Variants in IL1RAPL1 observed in about 807,000 individuals in gnomAD.
The protein encoded by IL1RAPL1 is interleukin 1 receptor accessory protein like 1.
Under a neutral mutation model 48.4 loss-of-function variants are expected in IL1RAPL1, and 3 were observed. That is an observed-to-expected ratio of 0.06 (90% CI 0.03 to 0.16). IL1RAPL1 has a LOEUF of 0.16. IL1RAPL1 is among the 10% of genes least tolerant of loss of function. The pLI is 1.00. For synonymous variants in IL1RAPL1, 185 were observed against 187.7 expected (o/e 0.99, Z 0.12); for missense variants, 349 against 530.6 (o/e 0.66, Z 3.36).
chrX:29,331,144 G>T (rs1009781126), intron 3 of IL1RAPL1, among the ~76,000 whole-genome samples: 1 of 111,739 alleles, frequency 8.9e-6, no homozygotes, highest in Admixed American at 9.5e-5. Context: ...TCCAGCCTGG[G>T]TGTGACAGAG....
chrX:29,503,714 A>G (rs1183070400), intron 5 of IL1RAPL1, among the ~76,000 whole-genome samples: 3 of 111,088 alleles, frequency 2.7e-5, no homozygotes, highest in Admixed American at 9.6e-5. Flanking sequence ...CAGTGGCACA[A>G]TTACAGCTCA....
chrX:29,829,836 T>C (rs1430007340), intron 6 of IL1RAPL1, among the ~76,000 whole-genome samples: 1 of 112,053 alleles, frequency 8.9e-6, no homozygotes, highest in African/African-American at 3.2e-5. Flanking sequence ...TGCTATAGTT[T>C]CCAAACACTT....
intron 2 of IL1RAPL1, among the ~76,000 whole-genome samples, chrX:29,262,415 G>C (rs991328378): frequency 9.0e-6 from 1 of 111,527 alleles, no homozygotes; most frequent in Non-Finnish European, 1.9e-5. Flanking sequence ...TGGTGACCCA[G>C]CATTTTGGGA....
In IL1RAPL1 at chrX:28,634,812, C is replaced by G. The variant is rs201169121; in HGVS notation, c.-25+46765C>G. ...GACTCAAACTTTCTGAAATCACGTT[C>G]TTTACTTTTTAATTAATATTTGTTC... On this transcript the variant is annotated intron_variant, in intron 1 of 10. Coordinates refer to ENST00000378993, the MANE Select transcript of IL1RAPL1 (RefSeq NM_014271.4). Among the ~76,000 whole-genome samples the G allele has an allele frequency of 2.8e-4, 31 of 110,278 alleles. No individual in the cohort carries two copies. In the East Asian group the frequency reaches 4.5e-3, roughly 16 times the overall value.
Position 28,674,101 on chromosome X carries a change from G to GT in IL1RAPL1, c.-25+86058dup, listed in dbSNP as rs1283997247. On this transcript the variant is annotated intron_variant, in intron 1 of 10. Coordinates refer to ENST00000378993, the MANE Select transcript of IL1RAPL1 (RefSeq NM_014271.4). ...CATGTTGTAATCAAACAATGCGATT[G>GT]TTTTGTTAAATACTTTAAAAATTGT... Among the ~76,000 whole-genome samples, 5 of 112,007 alleles carry GT rather than the reference G, an allele frequency of 4.5e-5. No homozygotes were observed. In the Admixed American group the frequency reaches 4.7e-4, roughly 11 times the overall value.
chrX:29,542,977 A>T (rs1921490111), intron 5 of IL1RAPL1, among the ~76,000 whole-genome samples: 1 of 111,792 alleles, frequency 8.9e-6, no homozygotes. Context: ...GGGTAAATAA[A>T]CAAAGACATA....
chrX:29,808,140 T>G (rs1930298590), intron 6 of IL1RAPL1, among the ~76,000 whole-genome samples: 2 of 111,841 alleles, frequency 1.8e-5, no homozygotes. Flanking sequence ...AGAAAATAAT[T>G]AGACTTTTAC....
intron 5 of IL1RAPL1, among the ~76,000 whole-genome samples, chrX:29,489,566 G>T (rs772185449): frequency 4.5e-5 from 5 of 111,962 alleles, no homozygotes; most frequent in Non-Finnish European, 9.4e-5. Context: ...TTTTAACCCA[G>T]TGTACAAGTA....
chrX:29,718,512 G>A (rs1398158448), intron 6 of IL1RAPL1, among the ~76,000 whole-genome samples: 5 of 107,122 alleles, frequency 4.7e-5, no homozygotes, highest in Non-Finnish European at 9.6e-5. Context: ...TGTAGGTGAC[G>A]GGTTGATGGG....
At chrX:29,024,233 ATCT>A (rs1480027077) in intron 2 of IL1RAPL1, among the ~76,000 whole-genome samples, 4 of 111,678 alleles carry the variant, frequency 3.6e-5, no homozygotes, top group Admixed American at 9.5e-5. Context: ...ACCTAGGAAA[ATCT>A]TCTTATATTT....
At chrX:29,371,306 G>A (rs758870661) in intron 3 of IL1RAPL1, among the ~76,000 whole-genome samples, 7 of 108,997 alleles carry the variant, frequency 6.4e-5, no homozygotes, top group Admixed American at 4.9e-4. Flanking sequence ...TAATTTTTGT[G>A]TCTTTAGTAG....
At chrX:29,816,532 A>C (rs993110378) in intron 6 of IL1RAPL1, among the ~76,000 whole-genome samples, 4 of 105,911 alleles carry the variant, frequency 3.8e-5, no homozygotes, top group African/African-American at 1.4e-4. Flanking sequence ...AAACTATTCC[A>C]AAAAAAAAAA....
At chrX:29,593,519 C>T (rs1241848471) in intron 5 of IL1RAPL1, among the ~76,000 whole-genome samples, 6 of 111,868 alleles carry the variant, frequency 5.4e-5, no homozygotes, top group African/African-American at 2.0e-4. Context: ...AGTTGTAGGT[C>T]ACTGACAGAC....
intron 2 of IL1RAPL1, among the ~76,000 whole-genome samples, chrX:29,103,286 G>A (rs1272611952): frequency 9.0e-6 from 1 of 111,629 alleles, no homozygotes; most frequent in Non-Finnish European, 1.9e-5. Flanking sequence ...ATAGACCAAT[G>A]AAAGAGCATA....
intron 2 of IL1RAPL1, among the ~76,000 whole-genome samples, chrX:28,821,288 G>C (rs756872517): frequency 9.0e-6 from 1 of 110,912 alleles, no homozygotes; most frequent in Non-Finnish European, 1.9e-5. Flanking sequence ...GTGTTTGTCT[G>C]AACATTATCT....
At chrX:28,772,324 C>T (rs1936318904) in intron 1 of IL1RAPL1, among the ~76,000 whole-genome samples, 2 of 111,566 alleles carry the variant, frequency 1.8e-5, no homozygotes, top group Non-Finnish European at 1.9e-5. Context: ...TAAAAAAAAT[C>T]TATTCTCCTT....
rs1569212412 is a variant in IL1RAPL1, at chrX:29,955,277, A to G, written c.1548A>G (p.Arg516=). Residue 516 remains arginine, a synonymous_variant, in exon 11 of 11, where the codon AGA becomes AGG. Coordinates refer to ENST00000378993, the MANE Select transcript of IL1RAPL1 (RefSeq NM_014271.4). ...TTCTAATTGAATGCAGTGAACTGAG[A>G]GGAATTATGAACTACCAGGAGGTGG... ...KVILIECSEL[R]GIMNYQEVEA... 8.3e-7 allele frequency: 1 copy of G among 1,209,643 alleles called. No homozygotes were observed. Among genetic ancestry groups the G allele is most frequent in the Non-Finnish European group, 1.1e-6 (1 of 895,132 alleles).
intron 1 of IL1RAPL1, among the ~76,000 whole-genome samples, chrX:28,776,950 T>C (rs1936368753): frequency 8.9e-6 from 1 of 112,264 alleles, no homozygotes; most frequent in South Asian, 3.6e-4. Context: ...TAAACAAAAA[T>C]ATTCCTGTTA....
chrX:29,013,723 G>A (rs375456477), intron 2 of IL1RAPL1, among the ~76,000 whole-genome samples: 4 of 110,727 alleles, frequency 3.6e-5, no homozygotes, highest in African/African-American at 1.3e-4. Context: ...GGTGGATGGT[G>A]GGGGAGGGAG....
Sources: allele counts gnomAD v4.1 joint callset (sites outside exome capture counted in the v4.1 genomes callset), GRCh38; gene constraint gnomAD v4.1.1; transcripts MANE v1.5; gene names NCBI Gene and HGNC (gene_info 2026-07-23, HGNC 2026-07-21).